Variants in RHOBTB1 observed in about 807,000 individuals in gnomAD.
RHOBTB1 encodes rho-related BTB domain-containing protein 1.
RHOBTB1 carries 40 observed loss-of-function variants against 71.6 expected under a neutral mutation model. The observed-to-expected ratio is 0.56, with a 90% CI of 0.43 to 0.73. The LOEUF (loss-of-function observed/expected upper bound fraction) is 0.73. Among genes scored for constraint, RHOBTB1 ranks in the 30% least tolerant of loss-of-function variants. The pLI is 0.00. For missense variants in RHOBTB1, 797 were observed against 894.0 expected, an observed-to-expected ratio of 0.89 and a Z score of 1.38; for synonymous variants, 319 against 334.9, an observed-to-expected ratio of 0.95 and a Z score of 0.52.
chr10:60,961,385 C>T (rs925966299), intron 2 of RHOBTB1, among the ~76,000 whole-genome samples: 6 of 152,092 alleles, frequency 3.9e-5, no homozygotes, highest in African/African-American at 1.4e-4. Flanking sequence ...TTTCTCCTCT[C>T]CAAAAGGGGG....
chr10:60,898,839 C>G (rs948457053), intron 4 of RHOBTB1, among the ~76,000 whole-genome samples: 1 of 152,180 alleles, frequency 6.6e-6, no homozygotes, highest in Non-Finnish European at 1.5e-5. Flanking sequence ...CTTCCACCAC[C>G]CTCTGAAAGT....
At chr10:60,914,233 G>C (rs1469045365) in intron 2 of RHOBTB1, among the ~76,000 whole-genome samples, 1 of 152,138 alleles carries the variant, frequency 6.6e-6, no homozygotes, top group Non-Finnish European at 1.5e-5. Flanking sequence ...TTAATGAGAA[G>C]ATAATAGAGT....
intron 7 of RHOBTB1, 93 bp from the exon 8 acceptor site, chr10:60,878,151 T>A: frequency 1.0e-6 from 1 of 990,586 alleles, no homozygotes; most frequent in African/African-American, 1.6e-5. Flanking sequence ...CCTGTGTGAC[T>A]TGATATTGGT....
At chr10:60,992,511 C>A (rs779796195) in intron 1 of RHOBTB1, among the ~76,000 whole-genome samples, 2 of 152,120 alleles carry the variant, frequency 1.3e-5, no homozygotes, top group Non-Finnish European at 2.9e-5. Context: ...GCTGGATATG[C>A]CTTTTTATAT....
intron 4 of RHOBTB1, among the ~76,000 whole-genome samples, chr10:60,899,239 T>C (rs1374973054): frequency 2.6e-5 from 4 of 152,198 alleles, no homozygotes; most frequent in African/African-American, 9.6e-5. Context: ...CAGTCCTACT[T>C]AACTCCTGGT....
At chr10:60,868,403 C>T (rs2080652033), downstream of RHOBTB1, among the ~76,000 whole-genome samples, 1 of 152,182 alleles carries the variant, frequency 6.6e-6, no homozygotes, top group South Asian at 2.1e-4. Context: ...AGCATTCATT[C>T]AGAAGTGCTG....
chr10:60,936,924 G>A (rs150412683), intron 2 of RHOBTB1, among the ~76,000 whole-genome samples: 1 of 152,276 alleles, frequency 6.6e-6, no homozygotes, highest in East Asian at 1.9e-4. Flanking sequence ...ATAGCACTGG[G>A]AAAGACATAT....
downstream of RHOBTB1, among the ~76,000 whole-genome samples, chr10:60,866,161 G>A (rs1564708805): frequency 6.6e-6 from 1 of 152,148 alleles, no homozygotes; most frequent in Non-Finnish European, 1.5e-5. Context: ...TGGACCCAGG[G>A]CATGTACAAG....
chr10:60,984,614 A>G (rs1398760017), intron 2 of RHOBTB1, among the ~76,000 whole-genome samples: 1 of 152,224 alleles, frequency 6.6e-6, no homozygotes, highest in Non-Finnish European at 1.5e-5. Flanking sequence ...ATCCTGGTTC[A>G]TTAGCACAAA....
At chr10:60,889,911 C>T (rs868542386) in intron 5 of RHOBTB1, among the ~76,000 whole-genome samples, 2 of 152,216 alleles carry the variant, frequency 1.3e-5, no homozygotes, top group South Asian at 2.1e-4. Context: ...TATCACTACT[C>T]TCTTCATCAC....
At chr10:60,991,591 C>T (rs185323896) in intron 1 of RHOBTB1, among the ~76,000 whole-genome samples, 5 of 152,050 alleles carry the variant, frequency 3.3e-5, no homozygotes, top group East Asian at 1.9e-4. Context: ...CCACCATGCC[C>T]GGCTAATTTT....
Position 60,875,047 on chromosome 10 carries a change from G to A in RHOBTB1, c.1727-5C>T. The A allele has an allele frequency of 1.2e-6, 2 of 1,611,354 alleles. No individual in the cohort carries two copies. The highest frequency in any genetic ancestry group is 1.1e-5 in the South Asian group (1 of 91,016). On this transcript the variant is annotated splice_polypyrimidine_tract_variant and splice_region_variant and intron_variant, in intron 8 of 10. Transcript: ENST00000337910. ...ACTCCTGAACGGCATGCTGTTCTGGGGAAGAGAGAGGGGGCAGGAGAACAT... is the reference window on the plus strand; with the variant it reads ...ACTCCTGAACGGCATGCTGTTCTGGAGAAGAGAGAGGGGGCAGGAGAACAT...
intron 1 of RHOBTB1, among the ~76,000 whole-genome samples, chr10:60,994,499 A>G (rs2086977170): frequency 6.6e-6 from 1 of 152,164 alleles, no homozygotes; most frequent in East Asian, 1.9e-4. Context: ...GCACTTCCAG[A>G]AAATACAAAT....
intron 2 of RHOBTB1, among the ~76,000 whole-genome samples, chr10:60,915,801 C>T (rs1334223969): frequency 6.6e-6 from 1 of 152,132 alleles, no homozygotes; most frequent in African/African-American, 2.4e-5. Context: ...GGACTTCAAG[C>T]CACTCCTCCA....
chr10:60,871,449 G>A lies in RHOBTB1; in HGVS notation c.*33C>T. ...AAAGTGGTGGATCAGATTACCGATT[G>A]GTTTCTGTTTTTTGTTTTTTTTCTC... On this transcript the variant is annotated 3_prime_UTR_variant, in exon 11 of 11. Coordinates refer to ENST00000337910, the MANE Select transcript of RHOBTB1 (RefSeq NM_014836.5). 6.2e-7 allele frequency: 1 copy of A among 1,604,108 alleles called. No individual in the cohort carries two copies. The highest frequency in any genetic ancestry group is 8.5e-7 in the Non-Finnish European group (1 of 1,174,308).
chr10:60,878,127 C>T, intron 7 of RHOBTB1, 69 bp from the exon 8 acceptor site: 1 of 1,277,342 alleles, frequency 7.8e-7, no homozygotes, highest in Admixed American at 1.8e-5. Context: ...TCAGGCTATG[C>T]TGCTTATAAA....
intron 2 of RHOBTB1, among the ~76,000 whole-genome samples, chr10:60,954,800 G>A (rs1438627069): frequency 6.6e-6 from 1 of 151,980 alleles, no homozygotes; most frequent in East Asian, 1.9e-4. Flanking sequence ...AGTGTGTTCT[G>A]TTGTACCAGC....
intron 2 of RHOBTB1, among the ~76,000 whole-genome samples, chr10:60,952,231 T>C (rs548576089): frequency 6.9e-4 from 105 of 152,330 alleles, no homozygotes; most frequent in African/African-American, 2.4e-3. Context: ...TGTTCTACTG[T>C]GATCACTGTC....
intron 10 of RHOBTB1, 57 bp from the exon 11 acceptor site, chr10:60,871,708 G>T (rs41283542): frequency 3.8e-5 from 58 of 1,512,846 alleles, no homozygotes; most frequent in Non-Finnish European, 5.4e-6. Context: ...CCTTTTATGT[G>T]CTAGGCCTTG....
Sources: allele counts gnomAD v4.1 joint callset (sites outside exome capture counted in the v4.1 genomes callset), GRCh38; gene constraint gnomAD v4.1.1; transcripts MANE v1.5; gene names NCBI Gene and HGNC (gene_info 2026-07-23, HGNC 2026-07-21).